Variants in CNTNAP3 observed in about 807,000 individuals in gnomAD.
CNTNAP3 encodes contactin associated protein family member 3, also known as contactin-associated protein-like 3.
CNTNAP3 carries 36 observed loss-of-function variants against 92.1 expected under a neutral mutation model. The ratio of observed to expected loss-of-function variants is 0.39; its 90% CI spans 0.30 to 0.52. The LOEUF is 0.52. Ranked by LOEUF, CNTNAP3 falls within the 20% of genes least tolerant of loss-of-function variation. CNTNAP3 has a pLI of 0.76. For synonymous variants in CNTNAP3, 232 were observed against 422.3 expected (o/e 0.55, Z 5.53); for missense variants, 534 against 1,069.6 (o/e 0.50, Z 6.98).
chr9:39,104,471 TACACATAC>T (rs1395079509), intron 15 of CNTNAP3, among the ~76,000 whole-genome samples: 11 of 71,840 alleles, frequency 1.5e-4, no homozygotes, highest in African/African-American at 2.4e-4. Flanking sequence ...TTCCTGCACA[TACACATAC>T]ACACACACAC....
Position 39,081,615 on chromosome 9 carries a change from AT to A in CNTNAP3, c.3443-2696del, listed in dbSNP as rs1248662036. ...GGCACTTGACGTTGTGGGAAAAAAAATATTTGAGATAGGGTTGTCTTCCCAG... is the reference window on the plus strand; with the variant it reads ...GGCACTTGACGTTGTGGGAAAAAAAAATTTGAGATAGGGTTGTCTTCCCAG... On this transcript the variant is annotated intron_variant, in intron 21 of 23. Coordinates refer to ENST00000297668, the MANE Select transcript of CNTNAP3 (RefSeq NM_033655.5). 2.6e-5 allele frequency among the ~76,000 whole-genome samples: 4 copies of A among 151,642 alleles called. No homozygotes were observed. In the East Asian group the frequency reaches 7.8e-4, roughly 30 times the overall value.
intron 13 of CNTNAP3, among the ~76,000 whole-genome samples, chr9:39,123,018 T>A (rs1300878897): frequency 6.7e-6 from 1 of 150,126 alleles, no homozygotes; most frequent in Non-Finnish European, 1.5e-5. Flanking sequence ...GATACGTCAA[T>A]AAAATTTTTC....
At chr9:39,107,983 A>T (rs1826647387) in intron 15 of CNTNAP3, among the ~76,000 whole-genome samples, 1 of 152,114 alleles carries the variant, frequency 6.6e-6, no homozygotes. Flanking sequence ...GGAGTCTGAG[A>T]TTTCACCCTA....
intron 9 of CNTNAP3, among the ~76,000 whole-genome samples, chr9:39,161,742 G>A (rs1822077360): frequency 7.6e-6 from 1 of 132,362 alleles, no homozygotes; most frequent in African/African-American, 2.9e-5. Context: ...AGGCTAATCA[G>A]GAGGCTGAGG....
chr9:39,285,709 A>G lies in CNTNAP3; in HGVS notation c.85+2271T>C, dbSNP rs1298663762. Among the ~76,000 whole-genome samples, 2 of 54,314 alleles carry G rather than the reference A, an allele frequency of 3.7e-5. 1 individual carries two copies. The highest frequency in any genetic ancestry group is 1.1e-4 in the Non-Finnish European group (2 of 18,196). 35.6% of individuals were successfully genotyped at this position (54,314 alleles called of 152,430 possible). A position where few individuals can be genotyped will look rare whatever the true frequency, so the allele number is the denominator to read the frequency against. ...GCTAATTTTTGTATTTTTAGTAGAG[A>G]CAGGGTTTCACCATGGTGGCCAAGC... On this transcript the variant is annotated intron_variant, in intron 1 of 23. Coordinates refer to ENST00000297668, the MANE Select transcript of CNTNAP3 (RefSeq NM_033655.5).
chr9:39,093,399 C>T (rs1464203690), intron 18 of CNTNAP3, among the ~76,000 whole-genome samples: 2 of 143,922 alleles, frequency 1.4e-5, no homozygotes, highest in Non-Finnish European at 3.1e-5. Flanking sequence ...TAATTTGCCA[C>T]TTAACCATTT....
rs1825625083 is a variant in CNTNAP3, at chr9:39,070,993, G to C, written c.*2897C>G. On this transcript the variant is annotated 3_prime_UTR_variant, in exon 24 of 24. Coordinates refer to ENST00000297668, the MANE Select transcript of CNTNAP3 (RefSeq NM_033655.5). ...GCTTCTCTATGGATTGAAGTTAAGAGAGAGAAGTGCCAGGAGTTCAGTCCA... is the reference window on the plus strand; with the variant it reads ...GCTTCTCTATGGATTGAAGTTAAGACAGAGAAGTGCCAGGAGTTCAGTCCA... 6.6e-6 allele frequency among the ~76,000 whole-genome samples: 1 copy of C among 152,242 alleles called. No individual in the cohort carries two copies. Among genetic ancestry groups the C allele is most frequent in the Admixed American group, 6.5e-5 (1 of 15,278 alleles).
intron 14 of CNTNAP3, among the ~76,000 whole-genome samples, chr9:39,112,402 G>C (rs539786254): frequency 6.6e-6 from 1 of 151,538 alleles, no homozygotes; most frequent in Non-Finnish European, 1.5e-5. Context: ...TCTCACTCTT[G>C]TCGCCCAGGT....
intron 13 of CNTNAP3, among the ~76,000 whole-genome samples, chr9:39,122,875 A>G (rs1264294348): frequency 6.6e-6 from 1 of 152,204 alleles, no homozygotes; most frequent in Non-Finnish European, 1.5e-5. Context: ...GGTACTATAA[A>G]CAAAGATATG....
chr9:39,089,141 C>G (rs1311601103), intron 18 of CNTNAP3, among the ~76,000 whole-genome samples: 272 of 127,134 alleles, frequency 2.1e-3, no homozygotes, highest in East Asian at 9.2e-3. Context: ...TATTTTCACT[C>G]CCCTCCCCCG....
At chr9:39,097,718 A>G (rs1192054205) in intron 18 of CNTNAP3, among the ~76,000 whole-genome samples, 2 of 145,200 alleles carry the variant, frequency 1.4e-5, no homozygotes, top group Non-Finnish European at 3.0e-5. Flanking sequence ...ATATCCATAT[A>G]GAGTGGAGCT....
At position 39,145,797 on chromosome 9, in the gene CNTNAP3, T is replaced by C. The variant is rs1179938791; in HGVS notation, c.1650-1451A>G. 2.9e-5 allele frequency among the ~76,000 whole-genome samples: 4 copies of C among 140,268 alleles called. 1 individual carries two copies. The highest frequency in any genetic ancestry group is 4.8e-5 in the Non-Finnish European group (3 of 62,968). The allele number at this position is 140,268 out of a possible 152,430, so 92.0% of individuals were successfully genotyped here. The stretch of plus-strand genomic sequence containing the variant: ...AGGCCAAGGCATGGAAAAGCCTGTG[T>C]GAACTGATCAGAAGAGGGGCAGTTG... On this transcript the variant is annotated intron_variant, in intron 10 of 23. Transcript: ENST00000297668.
intron 13 of CNTNAP3, among the ~76,000 whole-genome samples, chr9:39,132,717 A>C (rs1821322423): frequency 6.6e-6 from 1 of 152,176 alleles, no homozygotes; most frequent in African/African-American, 2.4e-5. Context: ...CTAGTCCTGC[A>C]TATGAACGCG....
intron 10 of CNTNAP3, among the ~76,000 whole-genome samples, chr9:39,148,941 T>G (rs1383378530): frequency 5.3e-5 from 8 of 152,214 alleles, no homozygotes; most frequent in African/African-American, 1.4e-4. Context: ...TGTGACCCTA[T>G]GATTCTTCTC....
intron 12 of CNTNAP3, among the ~76,000 whole-genome samples, chr9:39,138,215 T>C (rs946157170): frequency 1.3e-5 from 2 of 152,074 alleles, no homozygotes; most frequent in African/African-American, 2.4e-5. Flanking sequence ...ATGTACCAGG[T>C]AAAAGTAACT....
chr9:39,099,754 C>T (rs1206766175), intron 18 of CNTNAP3, 157 bp downstream of exon 18: 23 of 859,344 alleles, frequency 2.7e-5, no homozygotes, highest in Non-Finnish European at 3.9e-5. Flanking sequence ...ACAGTCATAT[C>T]CCTTCTAAAT....
At chr9:39,149,219 A>C (rs1268459150) in intron 10 of CNTNAP3, among the ~76,000 whole-genome samples, 4 of 152,198 alleles carry the variant, frequency 2.6e-5, no homozygotes, top group Admixed American at 2.6e-4. Context: ...GTGGGGTTGC[A>C]AAAGCGAGCT....
At chr9:39,081,175 A>G (rs1825924321) in intron 21 of CNTNAP3, among the ~76,000 whole-genome samples, 1 of 151,150 alleles carries the variant, frequency 6.6e-6, no homozygotes, top group Non-Finnish European at 1.5e-5. Flanking sequence ...CCAGGAAGAA[A>G]CTCGTGATTC....
intron 18 of CNTNAP3, among the ~76,000 whole-genome samples, chr9:39,091,537 G>C (rs879448409): frequency 2.9e-3 from 434 of 151,976 alleles, no homozygotes; most frequent in Admixed American, 4.2e-3. Flanking sequence ...TCCATTTCTG[G>C]GATCATTTCC....
Sources: gnomAD v4.1 joint callset for allele counts (sites outside exome capture counted in the v4.1 genomes callset) on GRCh38, gnomAD v4.1.1 for gene constraint, MANE v1.5 for transcripts, NCBI Gene and HGNC (gene_info 2026-07-23, HGNC 2026-07-21) for gene names.